ABL2: variants seen among roughly 807,000 people sequenced by gnomAD.
The protein encoded by ABL2 is tyrosine-protein kinase ABL2.
Under a neutral mutation model 107.7 loss-of-function variants are expected in ABL2, and 49 were observed. That is an observed-to-expected ratio of 0.45 (90% confidence interval 0.36 to 0.58). ABL2 has a LOEUF of 0.58. Ranked by LOEUF, ABL2 falls within the 20% of genes least tolerant of loss-of-function variation. ABL2 has a pLI of 0.00. For missense variants in ABL2, 1,245 were observed against 1,457.0 expected (o/e 0.85, Z 2.37); for synonymous variants, 549 against 548.6 (o/e 1.00, Z -0.01).
At chr1:179,156,425 T>C (rs904866307) in intron 1 of ABL2, among the ~76,000 whole-genome samples, 1 of 152,232 alleles carries the variant, frequency 6.6e-6, no homozygotes, top group Non-Finnish European at 1.5e-5. Context: ...GACACACTAA[T>C]ATAGTTTTGT....
At chr1:179,140,147 A>G (rs1422656582) in intron 1 of ABL2, among the ~76,000 whole-genome samples, 1 of 152,218 alleles carries the variant, frequency 6.6e-6, no homozygotes, top group East Asian at 1.9e-4. Flanking sequence ...AAATCCTTAA[A>G]GGCCCTGCAA....
chr1:179,186,677 A>T (rs1037947907), intron 1 of ABL2, among the ~76,000 whole-genome samples: 2 of 151,928 alleles, frequency 1.3e-5, no homozygotes, highest in Middle Eastern at 3.2e-3. Flanking sequence ...ATATTTATTT[A>T]AAGTTTTGTC....
intron 1 of ABL2, among the ~76,000 whole-genome samples, chr1:179,159,449 T>G (rs1360541006): frequency 6.6e-6 from 1 of 152,226 alleles, no homozygotes; most frequent in Non-Finnish European, 1.5e-5. Context: ...CGGCAACAGC[T>G]GTTTATGATG....
chr1:179,131,977 G>C (rs905573433), intron 2 of ABL2, among the ~76,000 whole-genome samples: 1 of 152,124 alleles, frequency 6.6e-6, no homozygotes, highest in Non-Finnish European at 1.5e-5. Flanking sequence ...TTATTTTTCA[G>C]AATTAGGTAA....
At chr1:179,159,633 G>A (rs1408473733) in intron 1 of ABL2, among the ~76,000 whole-genome samples, 1 of 152,102 alleles carries the variant, frequency 6.6e-6, no homozygotes, top group African/African-American at 2.4e-5. Context: ...TAATAGCCAT[G>A]GGCTGCTACA....
At chr1:179,213,152 AT>A (rs1558003323) in intron 1 of ABL2, among the ~76,000 whole-genome samples, 1 of 151,940 alleles carries the variant, frequency 6.6e-6, no homozygotes, top group African/African-American at 2.4e-5. Context: ...TTTTATATAT[AT>A]GTCTATCTAA....
intron 1 of ABL2, among the ~76,000 whole-genome samples, chr1:179,183,255 ATTAC>A (rs1403262706): frequency 6.6e-6 from 1 of 152,134 alleles, no homozygotes; most frequent in Non-Finnish European, 1.5e-5. Context: ...GGGATGAGAA[ATTAC>A]TTAATGCGTA....
chr1:179,221,195 G>A, intron 1 of ABL2: 2 of 221,570 alleles, frequency 9.0e-6, no homozygotes, highest in Admixed American at 4.4e-5. Context: ...AGGCCAACGG[G>A]CTAAAAGAGA....
intron 1 of ABL2, among the ~76,000 whole-genome samples, chr1:179,213,524 C>T (rs1337139511): frequency 6.6e-6 from 1 of 152,012 alleles, no homozygotes; most frequent in African/African-American, 2.4e-5. Flanking sequence ...TGGTCTCAAA[C>T]TCCTGGGCTC....
intron 1 of ABL2, among the ~76,000 whole-genome samples, chr1:179,178,276 C>T (rs181867170): frequency 3.3e-5 from 5 of 151,772 alleles, no homozygotes; most frequent in African/African-American, 1.2e-4. Flanking sequence ...CATGCACCTG[C>T]AGTCCCAGCT....
intron 1 of ABL2, among the ~76,000 whole-genome samples, chr1:179,159,440 G>A (rs536082523): frequency 5.9e-5 from 9 of 152,134 alleles, no homozygotes; most frequent in Admixed American, 1.3e-4. Flanking sequence ...ATAAACTATC[G>A]GCAACAGCTG....
rs1270256431 is a variant in ABL2 at position 179,108,151 on chromosome 1, G to A, written c.3116C>T (p.Pro1039Leu). ...AVPISGKAGR[P>L]VMPPPQVPLP... Reference sequence around the variant, plus strand: ...AGGCACTTGAGGTGGAGGCATCACTGGCCTCCCAGCTTTCCCACTGATGGG... The same window carrying A: ...AGGCACTTGAGGTGGAGGCATCACTAGCCTCCCAGCTTTCCCACTGATGGG... Residue 1039 changes from proline to leucine, a missense_variant, in exon 12 of 12, where the codon CCA becomes CTA. By Grantham distance (98) the Pro-to-Leu change is moderately conservative. Transcript: ENST00000502732. The A allele has an allele frequency of 3.7e-6, 6 of 1,614,214 alleles. No homozygotes were observed. Among genetic ancestry groups the A allele is most frequent in the Middle Eastern group, 1.6e-4 (1 of 6,062 alleles).
chr1:179,163,436 G>T (rs1447141076), intron 1 of ABL2, among the ~76,000 whole-genome samples: 1 of 152,132 alleles, frequency 6.6e-6, no homozygotes, highest in Non-Finnish European at 1.5e-5. Flanking sequence ...AATGTTTATG[G>T]CAGCTCTATT....
At chr1:179,169,247 C>A (rs1356986890) in intron 1 of ABL2, among the ~76,000 whole-genome samples, 5 of 152,002 alleles carry the variant, frequency 3.3e-5, no homozygotes, top group Non-Finnish European at 7.4e-5. Context: ...GAAACAATAA[C>A]AGTTGAAGAC....
chr1:179,159,665 T>A (rs1015767382), intron 1 of ABL2, among the ~76,000 whole-genome samples: 1 of 152,204 alleles, frequency 6.6e-6, no homozygotes, highest in Non-Finnish European at 1.5e-5. Context: ...TTGACCAATA[T>A]AGACTAATAC....
intron 1 of ABL2, among the ~76,000 whole-genome samples, chr1:179,226,923 G>A (rs990587117): frequency 6.6e-6 from 1 of 152,098 alleles, no homozygotes; most frequent in Non-Finnish European, 1.5e-5. Context: ...AAAGGGCAGG[G>A]ACTCTGTTAT....
intron 1 of ABL2, among the ~76,000 whole-genome samples, chr1:179,217,098 C>A (rs1662604550): frequency 6.6e-6 from 1 of 151,638 alleles, no homozygotes; most frequent in Non-Finnish European, 1.5e-5. Context: ...GAGTTCAAGA[C>A]CAGCCTGGCC....
intron 1 of ABL2, chr1:179,184,675 G>A: frequency 2.1e-6 from 1 of 465,800 alleles, no homozygotes; most frequent in Non-Finnish European, 3.9e-6. Context: ...AGGACAGTAG[G>A]GTGAAGGAGA....
At chr1:179,217,839 G>A (rs918451690) in intron 1 of ABL2, among the ~76,000 whole-genome samples, 1 of 152,098 alleles carries the variant, frequency 6.6e-6, no homozygotes, top group Non-Finnish European at 1.5e-5. Flanking sequence ...GGTCAAGACA[G>A]ATGGGGTAAA....
Sources: allele counts gnomAD v4.1 joint callset (sites outside exome capture counted in the v4.1 genomes callset), GRCh38; gene constraint gnomAD v4.1.1; transcripts MANE v1.5; gene names NCBI Gene and HGNC (gene_info 2026-07-23, HGNC 2026-07-21).